Variants in RRAS2 observed in about 807,000 individuals in gnomAD.
RRAS2 encodes RAS related 2.
A neutral mutation model predicts 27.6 loss-of-function variants in RRAS2; 7 were observed. The ratio of observed to expected loss-of-function variants is 0.25; its 90% CI spans 0.14 to 0.48. The LOEUF (loss-of-function observed/expected upper bound fraction) is 0.48, where lower values mean the gene tolerates loss of function less well. RRAS2 is among the 20% of genes least tolerant of loss of function. The probability of loss-of-function intolerance (pLI) is 0.99; values close to 1 mark genes in which losing one functional copy is unlikely to be tolerated. For synonymous variants in RRAS2, 86 were observed against 90.9 expected (o/e 0.95, Z 0.31); for missense variants, 178 against 256.2 (o/e 0.69, Z 2.08).
chr11:14,301,808 G>A (rs781790700), intron 1 of RRAS2, among the ~76,000 whole-genome samples: 1 of 151,866 alleles, frequency 6.6e-6, no homozygotes, highest in African/African-American at 2.4e-5. Context: ...GTGAAACCCC[G>A]TGTCTACTAA....
At chr11:14,354,648 G>C (rs1849032573) in intron 1 of RRAS2, 2 of 144,296 alleles carry the variant, frequency 1.4e-5, no homozygotes, top group South Asian at 2.3e-4. Flanking sequence ...ACTAACAGCA[G>C]CAAATAAAAC....
chr11:14,312,552 T>C (rs1847998388), intron 1 of RRAS2, among the ~76,000 whole-genome samples: 1 of 152,188 alleles, frequency 6.6e-6, no homozygotes, highest in African/African-American at 2.4e-5. Context: ...CCTGAGTAGC[T>C]GGGACTGTAG....
Position 14,359,052 on chromosome 11 carries a change from T to A in RRAS2, c.-182A>T, listed in dbSNP as rs1554955900. The stretch of plus-strand genomic sequence containing the variant: ...AGCGCGGCGCTGGGGACTGGCTGGG[T>A]ACCGCCCGAGGCGCGGAGAAGCGGG... On this transcript the variant is annotated 5_prime_UTR_variant, in exon 1 of 6. Transcript: ENST00000256196. The A allele has an allele frequency of 1.8e-6, 2 of 1,108,422 alleles. No individual in the cohort carries two copies. The highest frequency in any genetic ancestry group is 1.0e-4 in the East Asian group (2 of 19,714). The allele number at this position is 1,108,422 out of a possible 1,614,324, so 68.7% of individuals were successfully genotyped here.
In RRAS2 at chr11:14,358,530, C is replaced by A. The variant is rs1482784198; in HGVS notation, c.108+233G>T. The stretch of plus-strand genomic sequence containing the variant: ...CACCCTTCCAGCTCCGCCCTCCCGA[C>A]CACATTCCTGAGAAGCCCTACTCCC... On this transcript the variant is annotated intron_variant, in intron 1 of 5. Transcript: ENST00000256196. This position sits in a 1 kb window ranked among gnomAD's most constrained non-coding sequence, Gnocchi z 5.1. 1.0e-6 allele frequency: 1 copy of A among 986,230 alleles called. No individual in the cohort carries two copies. 61.1% of individuals were successfully genotyped at this position (986,230 alleles called of 1,614,324 possible).
rs576976482 is a variant in RRAS2, at chr11:14,311,059, C to G, written c.109-15204G>C. ...ATTCGAGGAGAAACAAATTTAAAAG[C>G]ATTTTAGGCCAGAAGCAGTGGCTCA... On this transcript the variant is annotated intron_variant, in intron 1 of 5. Coordinates refer to ENST00000256196, the MANE Select transcript of RRAS2 (RefSeq NM_012250.6). 3.9e-5 allele frequency among the ~76,000 whole-genome samples: 6 copies of G among 152,320 alleles called. No homozygotes were observed. In the South Asian group the frequency reaches 1.0e-3, roughly 26 times the overall value.
At chr11:14,351,530 T>C (rs1273800974) in intron 1 of RRAS2, among the ~76,000 whole-genome samples, 2 of 152,098 alleles carry the variant, frequency 1.3e-5, no homozygotes, top group African/African-American at 4.8e-5. Context: ...AGTTCAAGAA[T>C]AGCCTGGCCA....
chr11:14,339,723 T>C (rs1432057126), intron 1 of RRAS2, among the ~76,000 whole-genome samples: 1 of 152,236 alleles, frequency 6.6e-6, no homozygotes. Context: ...AGAATTTTTT[T>C]AAAAAGTTAA....
At chr11:14,287,766 G>C (rs1554945261) in intron 4 of RRAS2, among the ~76,000 whole-genome samples, 1 of 151,758 alleles carries the variant, frequency 6.6e-6, no homozygotes, top group African/African-American at 2.4e-5. Context: ...CAGCTACTCG[G>C]GAGGCTGAGG....
chr11:14,290,134 T>A (rs1422806857), intron 4 of RRAS2, among the ~76,000 whole-genome samples: 1 of 152,134 alleles, frequency 6.6e-6, no homozygotes, highest in Non-Finnish European at 1.5e-5. Context: ...GACGGACACC[T>A]TTAATTGTGA....
At chr11:14,306,174 G>A (rs564051407) in intron 1 of RRAS2, among the ~76,000 whole-genome samples, 1 of 151,790 alleles carries the variant, frequency 6.6e-6, no homozygotes, top group African/African-American at 2.4e-5. Context: ...ACCTTTTTGT[G>A]TGCTTATTGG....
chr11:14,364,431 G>A (rs782339236), exon 1 of RRAS2: 4 of 1,534,230 alleles, frequency 2.6e-6, no homozygotes, highest in Admixed American at 2.0e-5. Context: ...TTTCCTTAAT[G>A]GGCCATTGCT....
intron 4 of RRAS2, among the ~76,000 whole-genome samples, chr11:14,293,519 T>C (rs1434062187): frequency 6.6e-6 from 1 of 152,060 alleles, no homozygotes; most frequent in African/African-American, 2.4e-5. Flanking sequence ...CCACGTGTCA[T>C]GGGAGGGACC....
chr11:14,358,264 G>C lies in RRAS2; in HGVS notation c.108+499C>G. The C allele has an allele frequency of 1.0e-6, 1 of 985,504 alleles. No homozygotes were observed. Among genetic ancestry groups the C allele is most frequent in the Non-Finnish European group, 1.2e-6 (1 of 829,978 alleles). 61.0% of individuals were successfully genotyped at this position (985,504 alleles called of 1,614,324 possible). A position where few individuals can be genotyped will look rare whatever the true frequency, so the allele number is the denominator to read the frequency against. On this transcript the variant is annotated intron_variant, in intron 1 of 5. Transcript: ENST00000256196. The surrounding 1 kb of genome is among the most constrained non-coding windows in gnomAD (Gnocchi z 5.1). ...CAAAGAAATACACAGTACTTGAAGC[G>C]GGCAGCTCCGGCTCAGGCGGCGCGG...
chr11:14,317,861 T>C (rs1848145027), intron 1 of RRAS2, among the ~76,000 whole-genome samples: 1 of 151,952 alleles, frequency 6.6e-6, no homozygotes, highest in South Asian at 2.1e-4. Flanking sequence ...AGCCCAGGAG[T>C]GCAAGGCTGA....
chr11:14,294,312 C>T (rs956480165), intron 4 of RRAS2, 159 bp downstream of exon 4: 10 of 422,242 alleles, frequency 2.4e-5, no homozygotes, highest in Non-Finnish European at 4.3e-5. Flanking sequence ...CCCGCTGTGA[C>T]TTCTGTAAAT....
chr11:14,296,796 T>C (rs1312310811), intron 1 of RRAS2, among the ~76,000 whole-genome samples: 2 of 151,560 alleles, frequency 1.3e-5, no homozygotes, highest in Admixed American at 6.6e-5. Context: ...GATCAAACCC[T>C]CCCAACTACC....
intron 1 of RRAS2, among the ~76,000 whole-genome samples, chr11:14,304,120 C>A (rs1847777018): frequency 1.3e-5 from 2 of 152,332 alleles, no homozygotes; most frequent in South Asian, 4.1e-4. Flanking sequence ...CCTCTCTGTG[C>A]TCTGCTGCCT....
intron 1 of RRAS2, among the ~76,000 whole-genome samples, chr11:14,319,514 G>A (rs894208766): frequency 6.6e-6 from 1 of 151,654 alleles, no homozygotes; most frequent in African/African-American, 2.4e-5. Flanking sequence ...GCCCGCCACC[G>A]CGCCCGGCTA....
intron 1 of RRAS2, among the ~76,000 whole-genome samples, chr11:14,321,752 T>TC (rs1329938939): frequency 4.6e-5 from 7 of 152,196 alleles, no homozygotes; most frequent in African/African-American, 1.7e-4. Flanking sequence ...CTCCCCTGCT[T>TC]CCATTTAAGC....
Sources: allele counts gnomAD v4.1 joint callset (sites outside exome capture counted in the v4.1 genomes callset), GRCh38; gene constraint gnomAD v4.1.1; non-coding constraint Gnocchi (gnomAD v3.1); transcripts MANE v1.5; gene names NCBI Gene and HGNC (gene_info 2026-07-23, HGNC 2026-07-21).